Variants in TBX15 observed in about 807,000 individuals in gnomAD.
TBX15 encodes T-box transcription factor TBX15.
In TBX15, 18 loss-of-function variants were observed where a neutral mutation model predicts 53.9. That is an observed-to-expected ratio of 0.33 (90% CI 0.23 to 0.49). The LOEUF is 0.49. TBX15 is among the 20% of genes least tolerant of loss of function. The pLI is 0.98. For synonymous variants in TBX15, 295 were observed against 278.0 expected, an observed-to-expected ratio of 1.06 and a Z score of -0.61; for missense variants, 692 against 749.5, an observed-to-expected ratio of 0.92 and a Z score of 0.90.
intron 6 of TBX15, among the ~76,000 whole-genome samples, chr1:118,901,160 T>G (rs1357948096): frequency 6.6e-6 from 1 of 152,200 alleles, no homozygotes; most frequent in African/African-American, 2.4e-5. Context: ...ATATGCTAGG[T>G]AATTTATAAA....
intron 6 of TBX15, among the ~76,000 whole-genome samples, chr1:118,903,810 G>A (rs1031299745): frequency 6.6e-6 from 1 of 152,056 alleles, no homozygotes; most frequent in Non-Finnish European, 1.5e-5. Flanking sequence ...TTTTAAAAAA[G>A]GAACAAGATA....
chr1:118,893,825 G>A (rs1224353032), intron 7 of TBX15, among the ~76,000 whole-genome samples: 40 of 152,080 alleles, frequency 2.6e-4, no homozygotes, highest in Admixed American at 2.6e-3. Context: ...ACAGAACCTA[G>A]CAGAGTTTAT....
At chr1:118,913,098 T>G (rs773255432) in intron 6 of TBX15, among the ~76,000 whole-genome samples, 3 of 152,182 alleles carry the variant, frequency 2.0e-5, no homozygotes, top group Admixed American at 6.5e-5. Context: ...TGGATTTTAA[T>G]ATAATGTACT....
rs1653849638 is a variant in TBX15, at chr1:118,884,525, T to C, written c.*207A>G. ...TCTGGGAAGGCAGAAGAATGGCCAC[T>C]GAGTTGCGGATGATTCTATCGCAAG... On this transcript the variant is annotated 3_prime_UTR_variant, in exon 8 of 8. Coordinates refer to ENST00000369429, the MANE Select transcript of TBX15 (RefSeq NM_001330677.2). 1 of 635,246 alleles carries C rather than the reference T, an allele frequency of 1.6e-6. No homozygotes were observed. The highest frequency in any genetic ancestry group is 2.0e-5 in the South Asian group (1 of 49,326). The allele number at this position is 635,246 out of a possible 1,614,324, so 39.4% of individuals were successfully genotyped here. A position where few individuals can be genotyped will look rare whatever the true frequency, so the allele number is the denominator to read the frequency against.
intron 1 of TBX15, among the ~76,000 whole-genome samples, chr1:118,954,104 C>A (rs935604343): frequency 8.5e-5 from 13 of 152,200 alleles, no homozygotes; most frequent in Admixed American, 7.2e-4. Flanking sequence ...TCAAAGCTTT[C>A]TTCTTCCCCA....
At chr1:118,912,115 G>A (rs974490138) in intron 6 of TBX15, among the ~76,000 whole-genome samples, 1 of 151,556 alleles carries the variant, frequency 6.6e-6, no homozygotes, top group African/African-American at 2.4e-5. Flanking sequence ...TAAAAACTCA[G>A]AAAAACAATG....
intron 6 of TBX15, among the ~76,000 whole-genome samples, chr1:118,912,779 T>C (rs1040525230): frequency 2.0e-5 from 3 of 152,212 alleles, no homozygotes; most frequent in Non-Finnish European, 4.4e-5. Flanking sequence ...GCCTTTGTCT[T>C]GTTATAAACA....
At chr1:118,952,739 T>C (rs1656557983) in intron 1 of TBX15, among the ~76,000 whole-genome samples, 1 of 152,168 alleles carries the variant, frequency 6.6e-6, no homozygotes, top group South Asian at 2.1e-4. Context: ...CAATAAATAA[T>C]AGTAACTCTT....
intron 5 of TBX15, among the ~76,000 whole-genome samples, chr1:118,914,411 CT>C (rs1655122073): frequency 6.6e-6 from 1 of 152,168 alleles, no homozygotes; most frequent in Non-Finnish European, 1.5e-5. Flanking sequence ...GTATGTGACT[CT>C]AAAAACTCTC....
At chr1:118,984,215 G>C (rs531520306) in intron 1 of TBX15, among the ~76,000 whole-genome samples, 4 of 152,182 alleles carry the variant, frequency 2.6e-5, no homozygotes, top group African/African-American at 9.7e-5. Flanking sequence ...GCGGAGTGTC[G>C]ATCTGCCTGC....
At chr1:118,950,694 C>T (rs1169012265) in intron 1 of TBX15, among the ~76,000 whole-genome samples, 3 of 152,134 alleles carry the variant, frequency 2.0e-5, no homozygotes, top group Admixed American at 6.5e-5. Context: ...ATATTCATAC[C>T]TTGTCAAGTA....
chr1:118,974,286 G>A (rs73009545), intron 1 of TBX15, among the ~76,000 whole-genome samples: 2,107 of 152,284 alleles, frequency 0.014, 49 homozygotes, highest in African/African-American at 0.048. Context: ...AGTGGTGCTG[G>A]CAACAGGAGA....
intron 1 of TBX15, among the ~76,000 whole-genome samples, chr1:118,937,170 G>T (rs1319442181): frequency 6.6e-6 from 1 of 152,180 alleles, no homozygotes; most frequent in Non-Finnish European, 1.5e-5. Flanking sequence ...AGAATTTCAG[G>T]TAGTGGGAAT....
intron 5 of TBX15, among the ~76,000 whole-genome samples, chr1:118,922,253 G>A (rs1351329922): frequency 2.0e-5 from 3 of 152,092 alleles, no homozygotes; most frequent in East Asian, 1.9e-4. Flanking sequence ...ATGACATGAC[G>A]ACAGAGAGAT....
At chr1:118,927,255 A>C (rs1012635971) in intron 2 of TBX15, among the ~76,000 whole-genome samples, 1 of 152,136 alleles carries the variant, frequency 6.6e-6, no homozygotes, top group African/African-American at 2.4e-5. Context: ...TGTGATATAA[A>C]TGTATGCACA....
chr1:118,901,313 C>A, intron 6 of TBX15: 1 of 456,030 alleles, frequency 2.2e-6, no homozygotes, highest in Non-Finnish European at 4.4e-6. Context: ...GAGAAAGGCA[C>A]CAAACTTATT....
chr1:118,928,914 C>A (rs142929529), intron 2 of TBX15, among the ~76,000 whole-genome samples: 1 of 152,190 alleles, frequency 6.6e-6, no homozygotes, highest in Non-Finnish European at 1.5e-5. Context: ...CTCTACAGTG[C>A]CCCCTTGCTT....
chr1:118,987,925 G>A lies in TBX15; in HGVS notation c.-130C>T. Reference sequence around the variant, plus strand: ...GCGCGTCGGACGAGGCTGAGACTGCGGCTCGCGGGTCTCTCCACCCTCCCC... The same window carrying A: ...GCGCGTCGGACGAGGCTGAGACTGCAGCTCGCGGGTCTCTCCACCCTCCCC... On this transcript the variant is annotated 5_prime_UTR_variant, in exon 1 of 8. Transcript: ENST00000369429. The A allele has an allele frequency of 1.7e-6, 2 of 1,160,820 alleles. No homozygotes were observed. The highest frequency in any genetic ancestry group is 2.6e-5 in the East Asian group (1 of 38,816). The allele number at this position is 1,160,820 out of a possible 1,614,324, so 71.9% of individuals were successfully genotyped here.
chr1:118,982,660 T>C (rs767635265), intron 1 of TBX15, among the ~76,000 whole-genome samples: 33 of 152,266 alleles, frequency 2.2e-4, no homozygotes, highest in African/African-American at 7.7e-4. Flanking sequence ...ATGCTGTCTA[T>C]ATTAAAAGAT....
Sources: gnomAD v4.1 joint callset for allele counts (sites outside exome capture counted in the v4.1 genomes callset) on GRCh38, gnomAD v4.1.1 for gene constraint, MANE v1.5 for transcripts, NCBI Gene and HGNC (gene_info 2026-07-23, HGNC 2026-07-21) for gene names.